The following HEPH variants were observed in gnomAD, a reference collection of about 807,000 sequenced individuals.
HEPH encodes the protein hephaestin.
In HEPH, 69 loss-of-function variants were observed where a neutral mutation model predicts 80.8. That is an observed-to-expected ratio of 0.85 (90% CI 0.70 to 1.04). The LOEUF is 1.04. HEPH is among the 50% of genes least tolerant of loss of function. The probability of loss-of-function intolerance (pLI) is 0.00; values close to 1 mark genes in which losing one functional copy is unlikely to be tolerated. For missense variants in HEPH, 1,115 were observed against 891.3 expected, an observed-to-expected ratio of 1.25 and a Z score of -3.20; for synonymous variants, 431 against 322.8, an observed-to-expected ratio of 1.34 and a Z score of -3.60.
intron 4 of HEPH, among the ~76,000 whole-genome samples, chrX:66,174,259 T>C (rs2086713583): frequency 9.0e-6 from 1 of 111,340 alleles, no homozygotes; most frequent in South Asian, 3.8e-4. Context: ...GAACATACAA[T>C]GTTTAGTTTT....
chrX:66,187,595 C>T (rs920357644), intron 4 of HEPH, among the ~76,000 whole-genome samples: 2 of 111,705 alleles, frequency 1.8e-5, no homozygotes, highest in African/African-American at 3.3e-5. Context: ...TCCTGTGATG[C>T]GAACTGTGTA....
Position 66,262,416 on chromosome X carries a change from C to T in HEPH, c.3200-1228C>T, listed in dbSNP as rs191693393. On this transcript the variant is annotated intron_variant, in intron 19 of 20. Coordinates refer to ENST00000343002, the MANE Select transcript of HEPH (RefSeq NM_001367233.3). ...GGTCTTTCTCTTCTCTCTGATGGAG[C>T]AAATAGAGTCATCTGCTGAGAATGA... Among the ~76,000 whole-genome samples the T allele has an allele frequency of 3.8e-3, 424 of 111,393 alleles. 3 individuals are homozygous for T. Among genetic ancestry groups the T allele is most frequent in the African/African-American group, 0.013 (412 of 30,692 alleles).
Position 66,263,645 on chromosome X carries a change from A to G in HEPH, c.3201A>G (p.Glu1067=), listed in dbSNP as rs756211093. The change falls in exon 20 of 21, where the codon GAA becomes GAG. Residue 1067 remains glutamate, a splice_region_variant and synonymous_variant. Coordinates refer to ENST00000343002, the MANE Select transcript of HEPH (RefSeq NM_001367233.3). ...ETLFTVFSRT[E]HLSPLTVITK... The stretch of plus-strand genomic sequence containing the variant: ...CTTGTCTTTTTTCCCCCCAACCAGA[A>G]CACTTAAGCCCTCTCACCGTCATCA... The G allele has an allele frequency of 8.3e-7, 1 of 1,210,534 alleles. No homozygotes were observed. The highest frequency in any genetic ancestry group is 1.1e-6 in the Non-Finnish European group (1 of 894,600).
intron 15 of HEPH, among the ~76,000 whole-genome samples, chrX:66,237,883 T>A (rs2090423947): frequency 8.9e-6 from 1 of 112,165 alleles, no homozygotes; most frequent in Admixed American, 9.4e-5. Flanking sequence ...GTAATACCTT[T>A]TCTTTCTTGA....
At chrX:66,206,883 G>A (rs2088809818) in intron 13 of HEPH, among the ~76,000 whole-genome samples, 1 of 109,907 alleles carries the variant, frequency 9.1e-6, no homozygotes, top group African/African-American at 3.3e-5. Context: ...CGGGCGTGGT[G>A]GCGCATGCCT....
intron 15 of HEPH, among the ~76,000 whole-genome samples, chrX:66,248,670 T>C (rs2090900900): frequency 8.9e-6 from 1 of 112,388 alleles, no homozygotes; most frequent in Non-Finnish European, 1.9e-5. Context: ...AATAAATTCA[T>C]GCAGGTTTTT....
Position 66,255,646 on chromosome X carries a change from A to G in HEPH, c.2671-459A>G, listed in dbSNP as rs750539225. 9.8e-5 allele frequency among the ~76,000 whole-genome samples: 11 copies of G among 111,941 alleles called. No individual in the cohort carries two copies. The East Asian group carries it at 2.5e-3, about 26-fold the overall frequency. On this transcript the variant is annotated intron_variant, in intron 16 of 20. Transcript: ENST00000343002. ...CATTTTACTTGGTGCTTTGGATGATATAAATTTAAGATACATTTCCCACCT... is the reference window on the plus strand; with the variant it reads ...CATTTTACTTGGTGCTTTGGATGATGTAAATTTAAGATACATTTCCCACCT...
At chrX:66,232,980 A>G (rs760577867) in intron 15 of HEPH, among the ~76,000 whole-genome samples, 1 of 110,976 alleles carries the variant, frequency 9.0e-6, no homozygotes, top group Non-Finnish European at 1.9e-5. Flanking sequence ...CCTGTATACA[A>G]GTATATCAAT....
rs1439203255 is a variant in HEPH, at chrX:66,164,399, C to A, written c.-85C>A. 1 of 751,722 alleles carries A rather than the reference C, an allele frequency of 1.3e-6. No individual in the cohort carries two copies. The highest frequency in any genetic ancestry group is 1.6e-6 in the Non-Finnish European group (1 of 638,303). 62.0% of individuals were successfully genotyped at this position (751,722 alleles called of 1,213,427 possible). A position where few individuals can be genotyped will look rare whatever the true frequency, so the allele number is the denominator to read the frequency against. On this transcript the variant is annotated 5_prime_UTR_variant, in exon 1 of 21. Coordinates refer to ENST00000343002, the MANE Select transcript of HEPH (RefSeq NM_001367233.3). ...ATACTGACTGAACATGGCTGGCGGA[C>A]TCAGGCTGGGGTCTGCAGTGCAGCA...
intron 15 of HEPH, among the ~76,000 whole-genome samples, chrX:66,240,596 TA>T (rs745917012): frequency 1.9e-5 from 2 of 107,192 alleles, no homozygotes; most frequent in African/African-American, 6.7e-5. Context: ...CAGAAAATCT[TA>T]AAAAAACAGA....
intron 8 of HEPH, 35 bp downstream of exon 8, chrX:66,193,673 A>G: frequency 9.0e-7 from 1 of 1,112,605 alleles, no homozygotes; most frequent in Non-Finnish European, 1.2e-6. Context: ...TTCATTTACT[A>G]GAGCCAGAGA....
intron 15 of HEPH, among the ~76,000 whole-genome samples, chrX:66,245,026 G>A (rs931359925): frequency 1.0e-4 from 11 of 110,472 alleles, no homozygotes; most frequent in South Asian, 3.8e-4. Flanking sequence ...GGCCAACTGA[G>A]GACCAATTGT....
chrX:66,227,920 A>T (rs1055979202), intron 15 of HEPH, among the ~76,000 whole-genome samples: 1 of 110,797 alleles, frequency 9.0e-6, no homozygotes, highest in East Asian at 2.8e-4. Flanking sequence ...TTTTTTTTCT[A>T]GTTCTATGAA....
chrX:66,250,122 G>GT (rs940981696), intron 15 of HEPH, among the ~76,000 whole-genome samples: 8 of 111,027 alleles, frequency 7.2e-5, no homozygotes, highest in East Asian at 2.8e-4. Flanking sequence ...ATTCTACATG[G>GT]TTTTTTTGTT....
intron 1 of HEPH, among the ~76,000 whole-genome samples, chrX:66,169,068 C>T (rs147894576): frequency 9.0e-6 from 1 of 111,095 alleles, no homozygotes; most frequent in African/African-American, 3.3e-5. Flanking sequence ...TGGAGCCACA[C>T]TTCCTGGGCT....
chrX:66,263,148 G>T (rs189943129), intron 19 of HEPH, among the ~76,000 whole-genome samples: 71 of 111,725 alleles, frequency 6.4e-4, no homozygotes, highest in African/African-American at 2.3e-3. Context: ...CCTCAAAAGA[G>T]ATATGTTTTT....
intron 15 of HEPH, among the ~76,000 whole-genome samples, chrX:66,213,453 C>T (rs2147882899): frequency 8.9e-6 from 1 of 111,813 alleles, no homozygotes; most frequent in South Asian, 3.7e-4. Flanking sequence ...GGCACATATA[C>T]ACCATGGAAT....
At chrX:66,247,335 A>T (rs1161364133) in intron 15 of HEPH, among the ~76,000 whole-genome samples, 1 of 104,990 alleles carries the variant, frequency 9.5e-6, no homozygotes, top group Non-Finnish European at 1.9e-5. Context: ...CAGGTCCCTT[A>T]TGCTCTGTTC....
intron 15 of HEPH, among the ~76,000 whole-genome samples, chrX:66,239,556 T>C (rs2090490512): frequency 9.0e-6 from 1 of 111,341 alleles, no homozygotes; most frequent in Non-Finnish European, 1.9e-5. Flanking sequence ...CATAATCATT[T>C]TGGGGTCCTA....
Sources: gnomAD v4.1 joint callset for allele counts (sites outside exome capture counted in the v4.1 genomes callset) on GRCh38, gnomAD v4.1.1 for gene constraint, MANE v1.5 for transcripts, NCBI Gene and HGNC (gene_info 2026-07-23, HGNC 2026-07-21) for gene names.